Variants in KALRN observed in about 807,000 individuals in gnomAD.
The protein encoded by KALRN is kalirin.
KALRN carries 70 observed loss-of-function variants against 353.7 expected under a neutral mutation model. That is an observed-to-expected ratio of 0.20 (90% CI 0.16 to 0.24). The LOEUF (loss-of-function observed/expected upper bound fraction) is 0.24. Among genes scored for constraint, KALRN ranks in the 10% least tolerant of loss-of-function variants. KALRN has a pLI of 1.00. For synonymous variants in KALRN, 1,391 were observed against 1,434.8 expected, an observed-to-expected ratio of 0.97 and a Z score of 0.69; for missense variants, 2,791 against 3,756.7, an observed-to-expected ratio of 0.74 and a Z score of 6.72.
chr3:124,196,287 GA>G (rs1446895181), intron 1 of KALRN, among the ~76,000 whole-genome samples: 2 of 152,016 alleles, frequency 1.3e-5, no homozygotes, highest in Admixed American at 6.6e-5. Context: ...TGAGGGCTCT[GA>G]AAAAAAGTGA....
At chr3:124,178,570 C>A (rs764133687) in intron 1 of KALRN, among the ~76,000 whole-genome samples, 1 of 152,076 alleles carries the variant, frequency 6.6e-6, no homozygotes, top group East Asian at 1.9e-4. Context: ...TGTAGGCAAT[C>A]GTAACACAAT....
chr3:124,449,160 G>A (rs2058535338), intron 21 of KALRN, among the ~76,000 whole-genome samples: 1 of 152,142 alleles, frequency 6.6e-6, no homozygotes, highest in Non-Finnish European at 1.5e-5. Flanking sequence ...CCAATAAAAT[G>A]AATTTGAAAT....
intron 37 of KALRN, among the ~76,000 whole-genome samples, chr3:124,640,561 G>C (rs1440002505): frequency 6.6e-6 from 1 of 152,130 alleles, no homozygotes; most frequent in Non-Finnish European, 1.5e-5. Flanking sequence ...TGGGATTACA[G>C]TCATGAGCCA....
At chr3:124,499,807 T>G (rs901452508) in intron 33 of KALRN, among the ~76,000 whole-genome samples, 1 of 152,220 alleles carries the variant, frequency 6.6e-6, no homozygotes, top group Admixed American at 6.5e-5. Flanking sequence ...GTGGCAGCCC[T>G]TAAGCCTTTA....
intron 25 of KALRN, 34 bp downstream of exon 25, chr3:124,462,667 T>G: frequency 7.8e-7 from 1 of 1,278,092 alleles, no homozygotes; most frequent in Non-Finnish European, 1.1e-6. Context: ...GGTGCACACT[T>G]AGGCCGTAAA....
chr3:124,269,144 C>T lies in KALRN; in HGVS notation c.858C>T (p.Leu286=). The T allele has an allele frequency of 5.0e-6, 8 of 1,613,426 alleles. No individual in the cohort carries two copies. Among genetic ancestry groups the T allele is most frequent in the Non-Finnish European group, 5.9e-6 (7 of 1,179,836 alleles). ...FQSLVPKITS[L]LDKLHSTRQH... ...GCCTGGTGCCCAAGATCACCAGTCT[C>T]CTGGACAAGCTGCACTCCACCCGGC... The change falls in exon 5 of 60, where the codon CTC becomes CTT. Residue 286 remains leucine, a synonymous_variant. Coordinates refer to ENST00000682506, the MANE Select transcript of KALRN (RefSeq NM_001388419.1).
intron 1 of KALRN, among the ~76,000 whole-genome samples, chr3:124,130,782 C>G (rs1022151064): frequency 4.6e-5 from 7 of 152,140 alleles, no homozygotes; most frequent in African/African-American, 1.7e-4. Flanking sequence ...ATCAACGCCA[C>G]AGAATGTTAT....
intron 34 of KALRN, among the ~76,000 whole-genome samples, chr3:124,606,883 C>A (rs1466400731): frequency 2.6e-5 from 4 of 152,226 alleles, no homozygotes; most frequent in Non-Finnish European, 5.9e-5. Flanking sequence ...ATCTAGTAAT[C>A]AAAAATTCAA....
At chr3:124,415,535 G>A (rs779991247) in intron 14 of KALRN, among the ~76,000 whole-genome samples, 2 of 152,214 alleles carry the variant, frequency 1.3e-5, no homozygotes, top group Non-Finnish European at 2.9e-5. Flanking sequence ...TTCCTTTGCA[G>A]TTGCTATAGG....
rs768441029 is a variant in KALRN, at chr3:124,495,965, G to GTATATA, written c.4833-303_4833-298dup. 3.2e-3 allele frequency among the ~76,000 whole-genome samples: 132 copies of GTATATA among 41,388 alleles called. 1 individual carries two copies. The highest frequency in any genetic ancestry group is 4.8e-3 in the African/African-American group (35 of 7,292). The allele number at this position is 41,388 out of a possible 152,430, so 27.2% of individuals were successfully genotyped here. A position where few individuals can be genotyped will look rare whatever the true frequency, so the allele number is the denominator to read the frequency against. ...CCCAAGTGTGTGTATGTGTATGTAT[G>GTATATA]TATATATATATATATATATATATAT... On this transcript the variant is annotated intron_variant, in intron 32 of 59. Coordinates refer to ENST00000682506, the MANE Select transcript of KALRN (RefSeq NM_001388419.1).
At chr3:124,515,297 TAG>T (rs2066408957) in intron 33 of KALRN, among the ~76,000 whole-genome samples, 1 of 152,056 alleles carries the variant, frequency 6.6e-6, no homozygotes, top group Admixed American at 6.6e-5. Context: ...TAGGGGGAGA[TAG>T]GGGAAATTTT....
At chr3:124,569,044 T>C (rs1370308405) in intron 34 of KALRN, among the ~76,000 whole-genome samples, 1 of 152,228 alleles carries the variant, frequency 6.6e-6, no homozygotes, top group African/African-American at 2.4e-5. Flanking sequence ...TCTAGGTTCT[T>C]CTGTACCTGG....
At chr3:124,296,176 G>T (rs2076829344) in intron 5 of KALRN, among the ~76,000 whole-genome samples, 2 of 152,154 alleles carry the variant, frequency 1.3e-5, no homozygotes. Context: ...TCTCTCTCCT[G>T]ACCTTTAGAC....
chr3:124,698,817 A>G (rs2062183600), intron 55 of KALRN, among the ~76,000 whole-genome samples: 1 of 152,230 alleles, frequency 6.6e-6, no homozygotes, highest in Non-Finnish European at 1.5e-5. Context: ...AATTTGTTAC[A>G]TTTACATGCT....
intron 34 of KALRN, among the ~76,000 whole-genome samples, chr3:124,597,918 A>G (rs993932333): frequency 6.6e-6 from 1 of 152,184 alleles, no homozygotes; most frequent in Non-Finnish European, 1.5e-5. Flanking sequence ...ATATCTCTGT[A>G]GAGAAGATAG....
chr3:124,057,926 A>G (rs532491691), intron 1 of KALRN, among the ~76,000 whole-genome samples: 12 of 152,362 alleles, frequency 7.9e-5, no homozygotes, highest in Middle Eastern at 6.8e-3. Context: ...TGATAAAGAC[A>G]TACCCAAGAC....
At chr3:124,625,035 A>C (rs533633628) in intron 34 of KALRN, among the ~76,000 whole-genome samples, 1 of 152,348 alleles carries the variant, frequency 6.6e-6, no homozygotes, top group South Asian at 2.1e-4. Context: ...AAAGTCAGTC[A>C]TGGAATTAGG....
chr3:124,441,855 A>T, intron 18 of KALRN, 90 bp from the exon 19 acceptor site: 1 of 768,568 alleles, frequency 1.3e-6, no homozygotes, highest in South Asian at 2.4e-5. Flanking sequence ...AGCAAAAGAA[A>T]ATATGGAAGG....
chr3:124,469,489 A>G (rs770417903), intron 25 of KALRN, among the ~76,000 whole-genome samples: 9 of 152,132 alleles, frequency 5.9e-5, no homozygotes, highest in Admixed American at 2.0e-4. Flanking sequence ...CTTAGCCCCT[A>G]TGGTCTAGAG....
Sources: gnomAD v4.1 joint callset for allele counts (sites outside exome capture counted in the v4.1 genomes callset) on GRCh38, gnomAD v4.1.1 for gene constraint, MANE v1.5 for transcripts, NCBI Gene and HGNC (gene_info 2026-07-23, HGNC 2026-07-21) for gene names.